Variants in ATP2B2 observed in about 807,000 individuals in gnomAD.
The protein encoded by ATP2B2 is ATPase plasma membrane Ca2+ transporting 2.
Under a neutral mutation model 120.0 loss-of-function variants are expected in ATP2B2, and 15 were observed. That is an observed-to-expected ratio of 0.12 (90% CI 0.08 to 0.19). The LOEUF (loss-of-function observed/expected upper bound fraction) is 0.19, where lower values mean the gene tolerates loss of function less well. Ranked by LOEUF, ATP2B2 falls within the 10% of genes least tolerant of loss-of-function variation. ATP2B2 has a pLI of 1.00. For synonymous variants in ATP2B2, 694 were observed against 700.3 expected (o/e 0.99, Z 0.14); for missense variants, 1,045 against 1,719.8 (o/e 0.61, Z 6.94).
At chr3:10,369,053 A>G (rs914555203) in intron 12 of ATP2B2, among the ~76,000 whole-genome samples, 2 of 152,206 alleles carry the variant, frequency 1.3e-5, no homozygotes, top group African/African-American at 4.8e-5. Flanking sequence ...GGAGGGGGAA[A>G]TACAGCATAT....
At chr3:10,660,034 G>A (rs567167802) in intron 1 of ATP2B2, among the ~76,000 whole-genome samples, 36 of 152,338 alleles carry the variant, frequency 2.4e-4, no homozygotes, top group African/African-American at 8.2e-4. Context: ...AAATACAGAT[G>A]TTCTTTGAAA....
intron 2 of ATP2B2, among the ~76,000 whole-genome samples, chr3:10,443,831 A>C (rs753056641): frequency 6.6e-6 from 1 of 152,148 alleles, no homozygotes; most frequent in Non-Finnish European, 1.5e-5. Context: ...CTGTAAAAGC[A>C]CTTTCAACTC....
intron 2 of ATP2B2, among the ~76,000 whole-genome samples, chr3:10,553,719 G>C (rs2067718625): frequency 6.6e-6 from 1 of 152,174 alleles, no homozygotes; most frequent in African/African-American, 2.4e-5. Context: ...GGAGTGGGTG[G>C]AGCTTGCTTT....
chr3:10,510,567 G>A (rs1025650636), upstream of ATP2B2, among the ~76,000 whole-genome samples: 9 of 152,226 alleles, frequency 5.9e-5, no homozygotes, highest in African/African-American at 1.4e-4. Flanking sequence ...CCCCGTGAGG[G>A]TCCACCCTAG....
intron 5 of ATP2B2, among the ~76,000 whole-genome samples, chr3:10,397,108 G>A (rs1249910693): frequency 6.6e-6 from 1 of 152,248 alleles, no homozygotes; most frequent in African/African-American, 2.4e-5. Context: ...TCGCTTGAGA[G>A]CTCAGGTCCT....
In ATP2B2 at chr3:10,346,196, C is replaced by T. The variant is rs896853578; in HGVS notation, c.2405-59G>A. On this transcript the variant is annotated intron_variant, in intron 16 of 22. Transcript: ENST00000360273. This position sits in a 1 kb window ranked among gnomAD's most constrained non-coding sequence, Gnocchi z 4.1. ...CACTCAGGTGGGAGGCAGCCTGGGC[C>T]AGCCCTGGTCCTCGGGAGGGGCCTG... The T allele has an allele frequency of 6.4e-7, 1 of 1,555,092 alleles. No homozygotes were observed. Among genetic ancestry groups the T allele is most frequent in the African/African-American group, 1.3e-5 (1 of 74,088 alleles).
chr3:10,581,652 A>G (rs2068393058), intron 2 of ATP2B2, among the ~76,000 whole-genome samples: 1 of 152,240 alleles, frequency 6.6e-6, no homozygotes, highest in African/African-American at 2.4e-5. Flanking sequence ...TAAAAAGGAC[A>G]TAAGTGAAAG....
At chr3:10,679,263 A>T (rs1050408445) in intron 1 of ATP2B2, among the ~76,000 whole-genome samples, 8 of 152,292 alleles carry the variant, frequency 5.3e-5, no homozygotes, top group Non-Finnish European at 8.8e-5. Context: ...TAAGCCACTA[A>T]GTTTGTGGTA....
At chr3:10,554,774 C>T (rs933875943) in intron 2 of ATP2B2, among the ~76,000 whole-genome samples, 6 of 152,206 alleles carry the variant, frequency 3.9e-5, no homozygotes, top group African/African-American at 1.2e-4. Context: ...TTGAAGATCA[C>T]ATTTAGCTTT....
intron 8 of ATP2B2, 61 bp downstream of exon 8, chr3:10,385,207 T>G: frequency 6.5e-7 from 1 of 1,532,324 alleles, no homozygotes; most frequent in Non-Finnish European, 9.0e-7. Flanking sequence ...AGCCCAAAGT[T>G]GGGGTGGGGG....
At chr3:10,521,784 C>T (rs1339650076) in intron 3 of ATP2B2, among the ~76,000 whole-genome samples, 1 of 152,234 alleles carries the variant, frequency 6.6e-6, no homozygotes, top group East Asian at 1.9e-4. Context: ...GAAGGAACAA[C>T]AGCATTTCTG....
chr3:10,436,202 A>C (rs148771037), intron 2 of ATP2B2, among the ~76,000 whole-genome samples: 2 of 152,368 alleles, frequency 1.3e-5, no homozygotes, highest in Admixed American at 1.3e-4. Flanking sequence ...CCATCATTAG[A>C]AATCAATTAT....
At chr3:10,360,397 G>A (rs1266069152) in intron 12 of ATP2B2, among the ~76,000 whole-genome samples, 5 of 152,218 alleles carry the variant, frequency 3.3e-5, no homozygotes, top group South Asian at 2.1e-4. Context: ...ACAAAGTTAC[G>A]TGCCTATCAT....
intron 2 of ATP2B2, among the ~76,000 whole-genome samples, chr3:10,601,351 A>G (rs1480407106): frequency 1.3e-5 from 2 of 152,140 alleles, no homozygotes; most frequent in African/African-American, 2.4e-5. Context: ...TCCCTGGGAC[A>G]GGCTCCAATT....
intron 2 of ATP2B2, among the ~76,000 whole-genome samples, chr3:10,544,030 C>T (rs973359011): frequency 1.3e-5 from 2 of 151,154 alleles, no homozygotes; most frequent in Non-Finnish European, 2.9e-5. Flanking sequence ...TAAGCCACCA[C>T]ACCTGGCCCT....
chr3:10,659,424 A>T (rs2070722617), intron 1 of ATP2B2, among the ~76,000 whole-genome samples: 1 of 152,248 alleles, frequency 6.6e-6, no homozygotes, highest in African/African-American at 2.4e-5. Flanking sequence ...TGGAAAACAA[A>T]AAAAGGCAGG....
chr3:10,488,463 ATTCCTTCCTTCCTTCC>A (rs1257729803), intron 1 of ATP2B2, among the ~76,000 whole-genome samples: 31 of 95,746 alleles, frequency 3.2e-4, no homozygotes, highest in African/African-American at 8.0e-4. Context: ...CACCCTACAA[ATTCCTTCCTTCCTTCC>A]TTCCTTCCTT....
At chr3:10,369,977 G>A (rs575374172) in intron 12 of ATP2B2, among the ~76,000 whole-genome samples, 2 of 152,288 alleles carry the variant, frequency 1.3e-5, no homozygotes, top group South Asian at 2.1e-4. Flanking sequence ...GCACAGAGGG[G>A]ACTCTGGTGT....
intron 1 of ATP2B2, among the ~76,000 whole-genome samples, chr3:10,673,420 G>A (rs573906804): frequency 4.1e-5 from 6 of 147,034 alleles, no homozygotes; most frequent in African/African-American, 1.0e-4. Context: ...AGAGAGAGAG[G>A]AAGAAAGAGA....
Sources: allele counts gnomAD v4.1 joint callset (sites outside exome capture counted in the v4.1 genomes callset), GRCh38; gene constraint gnomAD v4.1.1; non-coding constraint Gnocchi (gnomAD v3.1); transcripts MANE v1.5; gene names NCBI Gene and HGNC (gene_info 2026-07-23, HGNC 2026-07-21).